ZNF281: variants seen among roughly 807,000 people sequenced by gnomAD.
ZNF281 encodes GC-box-binding zinc finger protein 1.
Under a neutral mutation model 58.8 loss-of-function variants are expected in ZNF281, and 2 were observed. The ratio of observed to expected loss-of-function variants is 0.03; its 90% CI spans 0.01 to 0.11. The LOEUF is 0.11. Among genes scored for constraint, ZNF281 ranks in the 10% least tolerant of loss-of-function variants. The pLI is 1.00. For synonymous variants in ZNF281, 465 were observed against 407.7 expected, an observed-to-expected ratio of 1.14 and a Z score of -1.69; for missense variants, 975 against 1,090.7, an observed-to-expected ratio of 0.89 and a Z score of 1.49.
At position 200,405,100 on chromosome 1, in the gene ZNF281, A is replaced by C. The variant is rs1322233366; in HGVS notation, c.*1918T>G. On this transcript the variant is annotated 3_prime_UTR_variant, in exon 2 of 2. Transcript: ENST00000367353. ...AAAAATCATACAGCTTAAGAGATACAGTGGTAAAGGTCCTCTCCATCCTTT... is the reference window on the plus strand; with the variant it reads ...AAAAATCATACAGCTTAAGAGATACCGTGGTAAAGGTCCTCTCCATCCTTT... 6.6e-6 allele frequency: 1 copy of C among 152,630 alleles called. No individual in the cohort carries two copies. Among genetic ancestry groups the C allele is most frequent in the Non-Finnish European group, 1.5e-5 (1 of 68,046 alleles). 9.5% of individuals were successfully genotyped at this position (152,630 alleles called of 1,614,324 possible). A position where few individuals can be genotyped will look rare whatever the true frequency, so the allele number is the denominator to read the frequency against.
In ZNF281 at chr1:200,407,941, G is replaced by A. The variant is rs1317698173; in HGVS notation, c.1765C>T (p.Leu589=). 3 of 1,614,124 alleles carry A rather than the reference G, an allele frequency of 1.9e-6. No individual in the cohort carries two copies. The highest frequency in any genetic ancestry group is 1.6e-4 in the Middle Eastern group (1 of 6,062). ...TGACAAGATTTAATTTCAGCATTTA[G>A]AGCTGAGGAGTCAATAAGTGACAAT... The part of the protein sequence containing the change: ...APLSLIDSSA[L]NAEIKSCHDK... The change falls in exon 2 of 2, where the codon CTA becomes TTA. Residue 589 remains leucine (L), a synonymous_variant. Coordinates refer to ENST00000367353, the MANE Select transcript of ZNF281 (RefSeq NM_001281293.2).
Position 200,409,086 on chromosome 1 carries a change from T to C in ZNF281, c.620A>G (p.His207Arg), listed in dbSNP as rs751446028. The C allele has an allele frequency of 6.8e-6, 11 of 1,614,110 alleles. No individual in the cohort carries two copies. Among genetic ancestry groups the C allele is most frequent in the Non-Finnish European group, 9.3e-6 (11 of 1,180,040 alleles). ...LSSSSRTDDHHGTEEPKQDTN... is the reference protein window; with the variant it reads ...LSSSSRTDDHRGTEEPKQDTN... ...GTCCTGCTTTGGCTCCTCAGTGCCA[T>C]GGTGGTCATCAGTCCTGCTACTGCT... The change falls in exon 2 of 2, where the codon CAT (histidine) becomes CGT (arginine). Residue 207 changes from histidine (H) to arginine (R), a missense_variant. Coordinates refer to ENST00000367353, the MANE Select transcript of ZNF281 (RefSeq NM_001281293.2).
In ZNF281 at chr1:200,407,252, T is replaced by C. The variant is rs376171054; in HGVS notation, c.2454A>G (p.Lys818=). The change falls in exon 2 of 2, where the codon AAA becomes AAG. Residue 818 remains lysine, a synonymous_variant. Coordinates refer to ENST00000367353, the MANE Select transcript of ZNF281 (RefSeq NM_001281293.2). ...QELASQIDPQ[K]DIEPRTTYQI... is the part of the protein sequence containing the mutation. ...GATACGTTGTTCTAGGCTCTATGTC[T>C]TTCTGAGGATCTATCTGGCTAGCTA... is the stretch of plus-strand genomic sequence containing the variant. 2.5e-4 allele frequency: 407 copies of C among 1,614,236 alleles called. 2 individuals carry two copies. In the South Asian group the frequency reaches 4.1e-3, roughly 16 times the overall value.
In ZNF281 at chr1:200,407,955, A is replaced by G. The variant is rs201430848; in HGVS notation, c.1751T>C (p.Ile584Thr). The G allele has an allele frequency of 9.4e-5, 151 of 1,614,228 alleles. No homozygotes were observed. In the East Asian group the frequency reaches 2.7e-3, roughly 28 times the overall value. Residue 584 changes from isoleucine to threonine, a missense_variant, in exon 2 of 2, where the codon ATT becomes ACT. Coordinates refer to ENST00000367353, the MANE Select transcript of ZNF281 (RefSeq NM_001281293.2). Reference protein sequence around the residue: ...VLDNEAPLSLIDSSALNAEIK... With the variant: ...VLDNEAPLSLTDSSALNAEIK... ...TTCAGCATTTAGAGCTGAGGAGTCA[A>G]TAAGTGACAATGGTGCCTCATTGTC...
Position 200,409,054 on chromosome 1 carries a change from C to T in ZNF281, c.652G>A (p.Val218Ile). 1.2e-6 allele frequency: 2 copies of T among 1,614,198 alleles called. No individual in the cohort carries two copies. The highest frequency in any genetic ancestry group is 1.6e-4 in the Middle Eastern group (1 of 6,062). Reference sequence around the variant, plus strand: ...GGCTTTGGCCTTTTTGCCTTTTTGACATTAGTGTCCTGCTTTGGCTCCTCA... The same window carrying T: ...GGCTTTGGCCTTTTTGCCTTTTTGATATTAGTGTCCTGCTTTGGCTCCTCA... The part of the protein sequence containing the change: ...GTEEPKQDTN[V>I]KKAKRPKPES... Residue 218 changes from valine to isoleucine, a missense_variant, in exon 2 of 2, where the codon GTC becomes ATC. Val to Ile is a conservative substitution (Grantham distance 29, BLOSUM62 3). Transcript: ENST00000367353.
chr1:200,409,098 G>A lies in ZNF281; in HGVS notation c.608C>T (p.Thr203Ile), dbSNP rs1194556677. ...RDVLLSSSSR[T>I]DDHHGTEEPK... The stretch of plus-strand genomic sequence containing the variant: ...CTCCTCAGTGCCATGGTGGTCATCA[G>A]TCCTGCTACTGCTGCTGAGTAATAC... The change falls in exon 2 of 2, where the codon ACT becomes ATT. Residue 203 changes from threonine (T) to isoleucine (I), a missense_variant. This residue lies in a region of ZNF281 where 370 missense variants were observed against 360.9 expected (regional missense o/e 1.03). Transcript: ENST00000367353. The A allele has an allele frequency of 2.5e-6, 4 of 1,614,092 alleles. No individual in the cohort carries two copies. Among genetic ancestry groups the A allele is most frequent in the Admixed American group, 1.7e-5 (1 of 60,016 alleles).
In ZNF281 at chr1:200,409,946, G is replaced by T; in HGVS notation, c.-19C>A. 1 of 487,662 alleles carries T rather than the reference G, an allele frequency of 2.1e-6. No homozygotes were observed. The highest frequency in any genetic ancestry group is 3.0e-5 in the South Asian group (1 of 33,712). The allele number at this position is 487,662 out of a possible 1,614,324, so 30.2% of individuals were successfully genotyped here. A position where few individuals can be genotyped will look rare whatever the true frequency, so the allele number is the denominator to read the frequency against. On this transcript the variant is annotated splice_region_variant and 5_prime_UTR_variant, in exon 1 of 2. Transcript: ENST00000367353. Reference sequence around the variant, plus strand: ...TCCTGGACCCACCGGCAATACTTACGGGTCCCGCCGCCGCCGCAGCCGCCG... The same window carrying T: ...TCCTGGACCCACCGGCAATACTTACTGGTCCCGCCGCCGCCGCAGCCGCCG...
At position 200,406,886 on chromosome 1, in the gene ZNF281, A is replaced by T. The variant is rs916921868; in HGVS notation, c.*132T>A. 19 of 808,374 alleles carry T rather than the reference A, an allele frequency of 2.4e-5. No homozygotes were observed. Among genetic ancestry groups the T allele is most frequent in the Middle Eastern group, 7.3e-4 (2 of 2,724 alleles). 50.1% of individuals were successfully genotyped at this position (808,374 alleles called of 1,614,324 possible). On this transcript the variant is annotated 3_prime_UTR_variant, in exon 2 of 2. Coordinates refer to ENST00000367353, the MANE Select transcript of ZNF281 (RefSeq NM_001281293.2). ...AAAATCACGCTAACAAAATAAACTAAATATGAAAAGTTGCATTGAAAGGGC... is the reference window on the plus strand; with the variant it reads ...AAAATCACGCTAACAAAATAAACTATATATGAAAAGTTGCATTGAAAGGGC...
chr1:200,406,250 T>C lies in ZNF281; in HGVS notation c.*768A>G, dbSNP rs1047244884. 7.9e-5 allele frequency: 12 copies of C among 152,564 alleles called. No individual in the cohort carries two copies. Among genetic ancestry groups the C allele is most frequent in the African/African-American group, 2.9e-4 (12 of 41,442 alleles). 9.5% of individuals were successfully genotyped at this position (152,564 alleles called of 1,614,324 possible). A position where few individuals can be genotyped will look rare whatever the true frequency, so the allele number is the denominator to read the frequency against. The stretch of plus-strand genomic sequence containing the variant: ...AGAATCGCTTGATGGAATTACAGCC[T>C]TGTTACAGTTGAGATCAAGAGAGGG... On this transcript the variant is annotated 3_prime_UTR_variant, in exon 2 of 2. Coordinates refer to ENST00000367353, the MANE Select transcript of ZNF281 (RefSeq NM_001281293.2).
Position 200,409,971 on chromosome 1 carries a change from G to C in ZNF281, c.-44C>G. 1 of 594,196 alleles carries C rather than the reference G, an allele frequency of 1.7e-6. No homozygotes were observed. The highest frequency in any genetic ancestry group is 3.1e-5 in the Admixed American group (1 of 32,584). The allele number at this position is 594,196 out of a possible 1,614,324, so 36.8% of individuals were successfully genotyped here. On this transcript the variant is annotated 5_prime_UTR_variant, in exon 1 of 2. Coordinates refer to ENST00000367353, the MANE Select transcript of ZNF281 (RefSeq NM_001281293.2). ...GGGTCCCGCCGCCGCCGCAGCCGCC[G>C]TCGCCTCCAGTTAATAAAAATAACG...
chr1:200,410,007 C>G lies in ZNF281; in HGVS notation c.-80G>C, dbSNP rs1045424991. On this transcript the variant is annotated 5_prime_UTR_variant, in exon 1 of 2. Coordinates refer to ENST00000367353, the MANE Select transcript of ZNF281 (RefSeq NM_001281293.2). ...TTAATAAAAATAACGCCGTCCTCTC[C>G]ACAATGGAATTAAAAGCCTCCCGTG... The G allele has an allele frequency of 9.1e-6, 5 of 549,946 alleles. No homozygotes were observed. The highest frequency in any genetic ancestry group is 8.5e-5 in the South Asian group (4 of 47,030). The allele number at this position is 549,946 out of a possible 1,614,324, so 34.1% of individuals were successfully genotyped here. A position where few individuals can be genotyped will look rare whatever the true frequency, so the allele number is the denominator to read the frequency against.
In ZNF281 at chr1:200,408,977, A is replaced by C; in HGVS notation, c.729T>G (p.Pro243=). The C allele has an allele frequency of 6.2e-7, 1 of 1,614,240 alleles. No homozygotes were observed. The highest frequency in any genetic ancestry group is 1.3e-5 in the African/African-American group (1 of 75,058). The change falls in exon 2 of 2, where the codon CCT becomes CCG. Residue 243 remains proline (P), a synonymous_variant. Coordinates refer to ENST00000367353, the MANE Select transcript of ZNF281 (RefSeq NM_001281293.2). ...CACCTTCTCCATCTCCAACCAAAGA[A>C]GGTTTGGAAGATGCACTTGGCTTCC... The part of the protein sequence containing the change: ...AKRKPSASSK[P]SLVGDGEGAI...
rs750426053 is a variant in ZNF281, at chr1:200,409,203, C to A, written c.503G>T (p.Gly168Val). Residue 168 changes from glycine to valine, a missense_variant, in exon 2 of 2, where the codon GGG becomes GTG. Gly to Val is a moderately radical substitution (Grantham distance 109). This residue lies in a region of ZNF281 where 370 missense variants were observed against 360.9 expected (regional missense o/e 1.03). Coordinates refer to ENST00000367353, the MANE Select transcript of ZNF281 (RefSeq NM_001281293.2). ...GTCCTGGATGACGCCGTGACTCCCC[C>A]CTTCACCGCCTCCTAGGCCTGGAGA... ...ERSPGLGGGE[G>V]GSHGVIQDLS... 9 of 1,614,148 alleles carry A rather than the reference C, an allele frequency of 5.6e-6. No homozygotes were observed. The highest frequency in any genetic ancestry group is 1.7e-5 in the Admixed American group (1 of 60,030).
Position 200,407,652 on chromosome 1 carries a change from G to C in ZNF281, c.2054C>G (p.Thr685Ser). The C allele has an allele frequency of 6.2e-7, 1 of 1,614,230 alleles. No individual in the cohort carries two copies. The highest frequency in any genetic ancestry group is 1.3e-5 in the African/African-American group (1 of 75,062). ...AFEKSTNASF[T>S]LGHGFQFVSL... Reference sequence around the variant, plus strand: ...GACAAATTGGAAACCGTGTCCAAGAGTAAAACTTGCATTAGTGGATTTTTC... The same window carrying C: ...GACAAATTGGAAACCGTGTCCAAGACTAAAACTTGCATTAGTGGATTTTTC... The change falls in exon 2 of 2, where the codon ACT becomes AGT. Residue 685 changes from threonine (T) to serine (S), a missense_variant. Transcript: ENST00000367353.
chr1:200,408,809 A>G lies in ZNF281; in HGVS notation c.897T>C (p.Ile299=). The G allele has an allele frequency of 1.2e-6, 2 of 1,614,174 alleles. No individual in the cohort carries two copies. The stretch of plus-strand genomic sequence containing the variant: ...CATGTCTCTGTAGTAGGTATTTCTG[A>G]ATGAAACCCATACTACACTGGCTGC... ...FQCSQCSMGF[I]QKYLLQRHEK... The change falls in exon 2 of 2, where the codon ATT becomes ATC. Residue 299 remains isoleucine, a synonymous_variant. Coordinates refer to ENST00000367353, the MANE Select transcript of ZNF281 (RefSeq NM_001281293.2).
In ZNF281 at chr1:200,407,753, G is replaced by C; in HGVS notation, c.1953C>G (p.Ser651Arg). Reference protein sequence around the residue: ...HSELVQEENLSPGTQTPSNDK... With the variant: ...HSELVQEENLRPGTQTPSNDK... ...CATTTGAAGGTGTTTGGGTGCCTGG[G>C]CTCAAATTTTCTTCTTGAACCAATT... Residue 651 changes from serine to arginine, a missense_variant, in exon 2 of 2, where the codon AGC becomes AGG. Ser to Arg is a moderately radical substitution (Grantham distance 110). Around this residue, in one of 3 missense-constraint regions of ZNF281, gnomAD observed 579 missense variants for 608.9 expected, o/e 0.95. Coordinates refer to ENST00000367353, the MANE Select transcript of ZNF281 (RefSeq NM_001281293.2). 2 of 1,614,120 alleles carry C rather than the reference G, an allele frequency of 1.2e-6. No individual in the cohort carries two copies. Among genetic ancestry groups the C allele is most frequent in the Non-Finnish European group, 1.7e-6 (2 of 1,180,038 alleles).
Position 200,407,578 on chromosome 1 carries a change from T to C in ZNF281, c.2128A>G (p.Ile710Val). 6.2e-7 allele frequency: 1 copy of C among 1,614,232 alleles called. No individual in the cohort carries two copies. Among genetic ancestry groups the C allele is most frequent in the East Asian group, 2.2e-5 (1 of 44,890 alleles). The change falls in exon 2 of 2, where the codon ATA (isoleucine) becomes GTA (valine). Residue 710 changes from isoleucine (I) to valine (V), a missense_variant. Around this residue, in one of 3 missense-constraint regions of ZNF281, gnomAD observed 579 missense variants for 608.9 expected, o/e 0.95. Transcript: ENST00000367353. ...CACTCCAAAGGAGACGTAGTGTATATTTGTTTTTCTGGAAACAAAGTGTGG... is the reference window on the plus strand; with the variant it reads ...CACTCCAAAGGAGACGTAGTGTATACTTGTTTTTCTGGAAACAAAGTGTGG... ...HNHTLFPEKQ[I>V]YTTSPLECGF...
Position 200,409,700 on chromosome 1 carries a change from T to G in ZNF281, c.6A>C (p.Lys2Asn). Residue 2 changes from lysine (K) to asparagine (N), a missense_variant, in exon 2 of 2, where the codon AAA becomes AAC. Physicochemically the swap from Lys to Asn is moderately conservative, Grantham distance 94. This residue lies in a region of ZNF281 where 370 missense variants were observed against 360.9 expected (regional missense o/e 1.03). Coordinates refer to ENST00000367353, the MANE Select transcript of ZNF281 (RefSeq NM_001281293.2). ...CGCCACTCAGGAACCCACTGCCGAT[T>G]TTCATACCCCGGAGGAGGCCTGGCT... is the stretch of plus-strand genomic sequence containing the variant. MKIGSGFLSGGG... is the reference protein window; with the variant it reads MNIGSGFLSGGG... 1 of 1,589,362 alleles carries G rather than the reference T, an allele frequency of 6.3e-7. No homozygotes were observed. Among genetic ancestry groups the G allele is most frequent in the Non-Finnish European group, 8.5e-7 (1 of 1,170,998 alleles).
In ZNF281 at chr1:200,405,018, T is replaced by C. The variant is rs1186843957; in HGVS notation, c.*2000A>G. ...CAATCAGAATAATACATATGCAGTA[T>C]TCAGTACACACAATAAAAGTTAAAG... On this transcript the variant is annotated 3_prime_UTR_variant, in exon 2 of 2. Transcript: ENST00000367353. 1.3e-5 allele frequency: 2 copies of C among 152,642 alleles called. No individual in the cohort carries two copies. The highest frequency in any genetic ancestry group is 4.8e-5 in the African/African-American group (2 of 41,462). The allele number at this position is 152,642 out of a possible 1,614,324, so 9.5% of individuals were successfully genotyped here.
Sources: gnomAD v4.1 joint callset for allele counts on GRCh38, gnomAD v4.1.1 for gene constraint, gnomAD v4.1.1 regional missense constraint, MANE v1.5 for transcripts, NCBI Gene and HGNC (gene_info 2026-07-23, HGNC 2026-07-21) for gene names.